KIF20B: variants seen among roughly 807,000 people sequenced by gnomAD.
The protein encoded by KIF20B is kinesin-like protein KIF20B.
In KIF20B, 188 loss-of-function variants were observed where a neutral mutation model predicts 232.5. That is an observed-to-expected ratio of 0.81 (90% CI 0.72 to 0.91). The LOEUF (loss-of-function observed/expected upper bound fraction) is 0.91, where lower values mean the gene tolerates loss of function less well. KIF20B is among the 40% of genes least tolerant of loss of function. The pLI is 0.00. For synonymous variants in KIF20B, 712 were observed against 683.0 expected, an observed-to-expected ratio of 1.04 and a Z score of -0.66; for missense variants, 2,154 against 2,055.9, an observed-to-expected ratio of 1.05 and a Z score of -0.92.
At chr10:89,761,857 G>A (rs1008518205) in intron 28 of KIF20B, among the ~76,000 whole-genome samples, 4 of 152,102 alleles carry the variant, frequency 2.6e-5, no homozygotes, top group African/African-American at 9.7e-5. Flanking sequence ...AAACCTCCTG[G>A]TTCCAATTTT....
chr10:89,712,339 G>C (rs1347973892), intron 6 of KIF20B, among the ~76,000 whole-genome samples: 12 of 151,486 alleles, frequency 7.9e-5, no homozygotes. Flanking sequence ...CTGCTGTCTT[G>C]AACTCCTGGG....
chr10:89,774,091 C>A lies in KIF20B; in HGVS notation c.*43C>A. 8.2e-7 allele frequency: 1 copy of A among 1,224,850 alleles called. No individual in the cohort carries two copies. Among genetic ancestry groups the A allele is most frequent in the Non-Finnish European group, 1.2e-6 (1 of 860,388 alleles). The allele number at this position is 1,224,850 out of a possible 1,614,324, so 75.9% of individuals were successfully genotyped here. ...TTAATATAAATTTTATAGTCATAGT[C>A]ATTGGAACTTGCATCCTGTATTGTA... On this transcript the variant is annotated 3_prime_UTR_variant, in exon 33 of 33. Coordinates refer to ENST00000371728, the MANE Select transcript of KIF20B (RefSeq NM_001284259.2).
intron 6 of KIF20B, among the ~76,000 whole-genome samples, chr10:89,711,499 A>C (rs1842836901): frequency 6.6e-6 from 1 of 152,086 alleles, no homozygotes; most frequent in African/African-American, 2.4e-5. Flanking sequence ...AAAAAGTAAA[A>C]GTTTCCTTTA....
intron 29 of KIF20B, among the ~76,000 whole-genome samples, chr10:89,766,104 C>T (rs1842353250): frequency 6.6e-6 from 1 of 152,146 alleles, no homozygotes; most frequent in South Asian, 2.1e-4. Context: ...TGTTTTCCAA[C>T]TTGGTTCCAT....
In KIF20B at chr10:89,714,089, G is replaced by A; in HGVS notation, c.712+6G>A. On this transcript the variant is annotated splice_donor_region_variant and intron_variant, in intron 7 of 32. Transcript: ENST00000371728. ...TAGTGATGATACTCTTTATGGTAAG[G>A]TTTCGTTGCTCACTTATCTTTGATG... 5 of 1,423,710 alleles carry A rather than the reference G, an allele frequency of 3.5e-6. No individual in the cohort carries two copies. The highest frequency in any genetic ancestry group is 4.7e-6 in the Non-Finnish European group (5 of 1,056,844). The allele number at this position is 1,423,710 out of a possible 1,614,324, so 88.2% of individuals were successfully genotyped here. A position where few individuals can be genotyped will look rare whatever the true frequency, so the allele number is the denominator to read the frequency against.
At chr10:89,724,353 C>T (rs1843130824) in intron 14 of KIF20B, among the ~76,000 whole-genome samples, 1 of 151,984 alleles carries the variant, frequency 6.6e-6, no homozygotes, top group African/African-American at 2.4e-5. Context: ...ATGGTGAAAC[C>T]TCGTCTGTAC....
intron 21 of KIF20B, among the ~76,000 whole-genome samples, chr10:89,743,574 A>G (rs2133137332): frequency 6.6e-6 from 1 of 152,304 alleles, no homozygotes; most frequent in East Asian, 1.9e-4. Flanking sequence ...AGATTCTTAA[A>G]TAATGGAACA....
At chr10:89,772,354 T>G (rs1462901293) in intron 31 of KIF20B, among the ~76,000 whole-genome samples, 1 of 152,102 alleles carries the variant, frequency 6.6e-6, no homozygotes, top group African/African-American at 2.4e-5. Context: ...CATGATCCAC[T>G]ATGTATATAT....
chr10:89,763,583 T>C, intron 29 of KIF20B, among the ~76,000 whole-genome samples: 1 of 152,106 alleles, frequency 6.6e-6, no homozygotes, highest in East Asian at 1.9e-4. Context: ...GAAATTCTTT[T>C]TTCATCAGCC....
intron 21 of KIF20B, among the ~76,000 whole-genome samples, chr10:89,739,533 A>G (rs1719779489): frequency 1.3e-5 from 1 of 74,918 alleles, no homozygotes; most frequent in African/African-American, 8.1e-5. Context: ...TCGAGCTGTC[A>G]AGTTTACCTT....
At chr10:89,751,506 CTT>C (rs749298855) in intron 24 of KIF20B, 35 bp downstream of exon 24, 1 of 1,562,892 alleles carries the variant, frequency 6.4e-7, no homozygotes, top group East Asian at 2.3e-5. Flanking sequence ...TCTAAATATA[CTT>C]TTTCATTTAA....
chr10:89,769,821 G>A (rs1842432154), intron 31 of KIF20B, among the ~76,000 whole-genome samples: 1 of 151,920 alleles, frequency 6.6e-6, no homozygotes, highest in African/African-American at 2.4e-5. Flanking sequence ...GGGGTGAGAT[G>A]GAGTAGTGGG....
In KIF20B at chr10:89,733,039, A is replaced by C; in HGVS notation, c.2528A>C (p.Glu843Ala). Reference sequence around the variant, plus strand: ...AATGAAAATGAACTTCAGCAAGATGAACCACCAGCAAAGAAAGGTACTACT... The same window carrying C: ...AATGAAAATGAACTTCAGCAAGATGCACCACCAGCAAAGAAAGGTACTACT... Reference protein sequence around the residue: ...RVNENELQQDEPPAKKGSIHV... With the variant: ...RVNENELQQDAPPAKKGSIHV... The change falls in exon 19 of 33, where the codon GAA becomes GCA. Residue 843 changes from glutamate (E) to alanine (A), a missense_variant. Coordinates refer to ENST00000371728, the MANE Select transcript of KIF20B (RefSeq NM_001284259.2). 2 of 1,613,690 alleles carry C rather than the reference A, an allele frequency of 1.2e-6. No homozygotes were observed. Among genetic ancestry groups the C allele is most frequent in the Non-Finnish European group, 1.7e-6 (2 of 1,179,716 alleles).
At chr10:89,716,281 G>A (rs1842932611) in intron 8 of KIF20B, among the ~76,000 whole-genome samples, 155 bp from the exon 9 acceptor site, 3 of 152,158 alleles carry the variant, frequency 2.0e-5, no homozygotes, top group South Asian at 2.1e-4. Flanking sequence ...CTTCTCTGGT[G>A]TAACCTGAAA....
chr10:89,744,554 G>A (rs1841871652), intron 22 of KIF20B, among the ~76,000 whole-genome samples: 1 of 152,030 alleles, frequency 6.6e-6, no homozygotes, highest in Non-Finnish European at 1.5e-5. Flanking sequence ...CTCTTGCAAA[G>A]CTAAAATTAT....
intron 2 of KIF20B, among the ~76,000 whole-genome samples, chr10:89,706,923 G>A (rs1842735082): frequency 6.6e-6 from 1 of 152,084 alleles, no homozygotes; most frequent in Non-Finnish European, 1.5e-5. Context: ...GAATCAGCTT[G>A]CCAGTTTCTA....
intron 16 of KIF20B, among the ~76,000 whole-genome samples, chr10:89,726,940 G>C (rs1843200401): frequency 1.3e-5 from 2 of 151,830 alleles, no homozygotes; most frequent in South Asian, 4.2e-4. Context: ...TGAATACTTG[G>C]GACCACAAGT....
chr10:89,756,302 A>G (rs1482110623), intron 26 of KIF20B, among the ~76,000 whole-genome samples: 4 of 152,162 alleles, frequency 2.6e-5, no homozygotes, highest in Non-Finnish European at 5.9e-5. Context: ...CTATCACCCA[A>G]CCTTCCTGAC....
rs778055118 is a variant in KIF20B, at chr10:89,743,929, TA to T, written c.4035+5del. Reference sequence around the variant, plus strand: ...CAGCGAACCATTCAGCAACTCAAGGTAAACAGTTTTGTTTTTAAAGATGATT... The same window carrying T: ...CAGCGAACCATTCAGCAACTCAAGGTAACAGTTTTGTTTTTAAAGATGATT... On this transcript the variant is annotated splice_donor_region_variant and intron_variant, in intron 22 of 32. Transcript: ENST00000371728. The T allele has an allele frequency of 6.3e-7, 1 of 1,578,450 alleles. No individual in the cohort carries two copies. Among genetic ancestry groups the T allele is most frequent in the Non-Finnish European group, 8.6e-7 (1 of 1,167,812 alleles).
Sources: allele counts gnomAD v4.1 joint callset (sites outside exome capture counted in the v4.1 genomes callset), GRCh38; gene constraint gnomAD v4.1.1; transcripts MANE v1.5; gene names NCBI Gene and HGNC (gene_info 2026-07-23, HGNC 2026-07-21).